GARRE1: variants seen among roughly 807,000 people sequenced by gnomAD.
The protein encoded by GARRE1 is granule associated Rac and RHOG effector 1, also known as granule associated Rac and RHOG effector protein 1.
Under a neutral mutation model 103.2 loss-of-function variants are expected in GARRE1, and 49 were observed. The observed-to-expected ratio is 0.47, with a 90% confidence interval of 0.38 to 0.60. GARRE1 has a LOEUF of 0.60. Ranked by LOEUF, GARRE1 falls within the 20% of genes least tolerant of loss-of-function variation. The pLI, the probability that GARRE1 is intolerant of heterozygous loss-of-function variation, is 0.00. For missense variants in GARRE1, 1,199 were observed against 1,370.5 expected (o/e 0.87, Z 1.98); for synonymous variants, 505 against 532.8 (o/e 0.95, Z 0.72).
rs544795314 is a variant in GARRE1 at position 34,294,044 on chromosome 19, C to G, written c.-795-5635C>G. ...CCCAAAGTGCTGGGATTACAGGTGT[C>G]AGCCACTGTGCCCGGTTGCATAAAC... On this transcript the variant is annotated intron_variant, in intron 1 of 13. Transcript: ENST00000299505. Among the ~76,000 whole-genome samples the G allele has an allele frequency of 3.9e-5, 6 of 151,952 alleles. No homozygotes were observed. In the South Asian group the frequency reaches 1.2e-3, roughly 32 times the overall value.
intron 1 of GARRE1, among the ~76,000 whole-genome samples, chr19:34,280,223 A>G (rs952749481): frequency 3.3e-5 from 5 of 152,062 alleles, no homozygotes; most frequent in Admixed American, 1.3e-4. Flanking sequence ...CCACCACATG[A>G]TCCAGTCACC....
chr19:34,348,026 G>A lies in GARRE1; in HGVS notation c.2671G>A (p.Glu891Lys), dbSNP rs202190083. 2.9e-5 allele frequency: 43 copies of A among 1,495,906 alleles called. No homozygotes were observed. The highest frequency in any genetic ancestry group is 3.4e-5 in the Non-Finnish European group (38 of 1,113,344). The allele number at this position is 1,495,906 out of a possible 1,614,324, so 92.7% of individuals were successfully genotyped here. Residue 891 changes from glutamate to lysine, a missense_variant, in exon 11 of 14, where the codon GAG becomes AAG. Physicochemically the swap from Glu to Lys is moderately conservative, Grantham distance 56 (BLOSUM62 1). Coordinates refer to ENST00000299505, the MANE Select transcript of GARRE1 (RefSeq NM_014686.5). ...CGCGCATCGGACCTGGCCCTTCCCC[G>A]AGTTCTTCACAGAAGGGTGAGTGCT... ...DDAHRTWPFP[E>K]FFTEGDGLHG...
intron 1 of GARRE1, among the ~76,000 whole-genome samples, chr19:34,255,013 A>T (rs1048924810): frequency 1.3e-5 from 2 of 151,634 alleles, no homozygotes; most frequent in Admixed American, 1.3e-4. Context: ...AAGCCCGCGG[A>T]GGGAGGGCGG....
intron 10 of GARRE1, among the ~76,000 whole-genome samples, chr19:34,344,569 C>T (rs1369993704): frequency 7.1e-6 from 1 of 140,476 alleles, no homozygotes; most frequent in Admixed American, 7.3e-5. Flanking sequence ...CCAGCCTGGG[C>T]GACAGAGCGA....
intron 1 of GARRE1, among the ~76,000 whole-genome samples, chr19:34,274,713 G>T (rs1288851514): frequency 6.6e-6 from 1 of 152,184 alleles, no homozygotes; most frequent in Non-Finnish European, 1.5e-5. Context: ...AGCACTTAAG[G>T]TCTATCAGAG....
chr19:34,347,822 G>A, intron 10 of GARRE1, 55 bp from the exon 11 acceptor site: 1 of 1,434,010 alleles, frequency 7.0e-7, no homozygotes, highest in Non-Finnish European at 9.3e-7. Flanking sequence ...GCGTAGGGAA[G>A]GACCAAGAGG....
chr19:34,256,139 G>A (rs1460247450), intron 1 of GARRE1, among the ~76,000 whole-genome samples: 1 of 151,792 alleles, frequency 6.6e-6, no homozygotes, highest in Non-Finnish European at 1.5e-5. Context: ...GTGTCCGGCC[G>A]TAACGTTCAA....
At chr19:34,261,414 G>A (rs538105027) in intron 1 of GARRE1, among the ~76,000 whole-genome samples, 5 of 152,040 alleles carry the variant, frequency 3.3e-5, no homozygotes, top group African/African-American at 1.2e-4. Context: ...AGTTTTCTTT[G>A]AGCTTAGATA....
intron 8 of GARRE1, among the ~76,000 whole-genome samples, chr19:34,336,020 T>G (rs1473228422): frequency 6.6e-6 from 1 of 152,060 alleles, no homozygotes; most frequent in African/African-American, 2.4e-5. Context: ...AGACAAGATC[T>G]CATGCTGTCC....
At chr19:34,322,328 C>T (rs1363759304) in intron 3 of GARRE1, among the ~76,000 whole-genome samples, 7 of 151,798 alleles carry the variant, frequency 4.6e-5, no homozygotes, top group Non-Finnish European at 8.8e-5. Context: ...CGCACCACGA[C>T]GCCTGGCTAA....
chr19:34,328,598 C>CGTTTT (rs1211522713), intron 6 of GARRE1, among the ~76,000 whole-genome samples: 2 of 151,116 alleles, frequency 1.3e-5, no homozygotes, highest in East Asian at 1.9e-4. Context: ...AGCAAGTTTT[C>CGTTTT]GTTTTGTTTT....
At chr19:34,260,016 A>T (rs2073706013) in intron 1 of GARRE1, among the ~76,000 whole-genome samples, 1 of 152,168 alleles carries the variant, frequency 6.6e-6, no homozygotes. Context: ...AGCCCTGGGG[A>T]ACTGTGAATC....
At chr19:34,327,600 T>C (rs766322658) in intron 4 of GARRE1, 39 bp downstream of exon 4, 2 of 1,606,904 alleles carry the variant, frequency 1.2e-6, no homozygotes, top group East Asian at 2.2e-5. Context: ...TTCCACGGGA[T>C]AGAAACAAGG....
intron 8 of GARRE1, among the ~76,000 whole-genome samples, chr19:34,336,981 T>C (rs1427409461): frequency 6.6e-6 from 1 of 152,138 alleles, no homozygotes; most frequent in African/African-American, 2.4e-5. Context: ...AAACACCTTG[T>C]AGACTGTGAT....
At chr19:34,295,668 T>C (rs1456933228) in intron 1 of GARRE1, among the ~76,000 whole-genome samples, 1 of 152,112 alleles carries the variant, frequency 6.6e-6, no homozygotes, top group Non-Finnish European at 1.5e-5. Flanking sequence ...TAGCAGAGAC[T>C]ACAGGTGCAC....
intron 1 of GARRE1, among the ~76,000 whole-genome samples, chr19:34,282,565 C>T (rs1372267068): frequency 3.3e-5 from 5 of 152,178 alleles, no homozygotes; most frequent in African/African-American, 1.2e-4. Flanking sequence ...GTCTGATCAC[C>T]TTTTCATCTT....
intron 9 of GARRE1, among the ~76,000 whole-genome samples, chr19:34,340,428 C>A (rs990613061): frequency 3.1e-5 from 4 of 127,116 alleles, no homozygotes; most frequent in African/African-American, 1.1e-4. Flanking sequence ...CTAGCCATGG[C>A]CCCTCTCCCT....
intron 3 of GARRE1, among the ~76,000 whole-genome samples, chr19:34,324,674 T>C (rs2074104020): frequency 6.6e-6 from 1 of 152,000 alleles, no homozygotes; most frequent in African/African-American, 2.4e-5. Context: ...TTTATTTTAC[T>C]TTTTATTTAT....
chr19:34,292,151 C>T (rs951260581), intron 1 of GARRE1, among the ~76,000 whole-genome samples: 11 of 152,114 alleles, frequency 7.2e-5, no homozygotes, highest in Admixed American at 2.0e-4. Flanking sequence ...CGTGAGCCAC[C>T]GCACCCGCCC....
Sources: allele counts gnomAD v4.1 joint callset (sites outside exome capture counted in the v4.1 genomes callset), GRCh38; gene constraint gnomAD v4.1.1; transcripts MANE v1.5; gene names NCBI Gene and HGNC (gene_info 2026-07-23, HGNC 2026-07-21).